The following CDC42BPA variants were observed in gnomAD, a reference collection of about 807,000 sequenced individuals.
CDC42BPA encodes the protein CDC42 binding protein kinase alpha, also known as serine/threonine-protein kinase MRCK alpha.
Under a neutral mutation model 223.5 loss-of-function variants are expected in CDC42BPA, and 80 were observed. That is an observed-to-expected ratio of 0.36 (90% confidence interval 0.30 to 0.43). CDC42BPA has a LOEUF of 0.43. Ranked by LOEUF, CDC42BPA falls within the 20% of genes least tolerant of loss-of-function variation. CDC42BPA has a pLI of 1.00. For missense variants in CDC42BPA, 1,743 were observed against 2,099.9 expected, an observed-to-expected ratio of 0.83 and a Z score of 3.32; for synonymous variants, 694 against 718.6, an observed-to-expected ratio of 0.97 and a Z score of 0.55.
At chr1:227,105,761 T>C (rs1426379353) in intron 14 of CDC42BPA, among the ~76,000 whole-genome samples, 1 of 152,220 alleles carries the variant, frequency 6.6e-6, no homozygotes, top group East Asian at 1.9e-4. Context: ...AGCCATGTTG[T>C]AGCATGTATC....
At chr1:227,138,058 A>C (rs12134379) in intron 10 of CDC42BPA, among the ~76,000 whole-genome samples, 1 of 151,994 alleles carries the variant, frequency 6.6e-6, no homozygotes, top group South Asian at 2.1e-4. Context: ...TCAGTCACAA[A>C]AGGGAAGTAA....
intron 5 of CDC42BPA, chr1:227,193,569 C>A: frequency 2.0e-6 from 1 of 490,314 alleles, no homozygotes; most frequent in East Asian, 3.4e-5. Context: ...AGATACTATA[C>A]ATGTACATGT....
chr1:227,256,691 A>T (rs1467293355), intron 1 of CDC42BPA, among the ~76,000 whole-genome samples: 1 of 152,128 alleles, frequency 6.6e-6, no homozygotes, highest in Non-Finnish European at 1.5e-5. Context: ...ACCCTCATTC[A>T]TTGCTAGAGG....
chr1:227,075,220 G>A (rs78863867), intron 17 of CDC42BPA, among the ~76,000 whole-genome samples: 4,370 of 152,270 alleles, frequency 0.029, 157 homozygotes, highest in South Asian at 0.13. Context: ...CACACTTTGG[G>A]GAAGACAATT....
At chr1:227,035,108 G>A (rs745913590) in intron 25 of CDC42BPA, among the ~76,000 whole-genome samples, 2 of 152,112 alleles carry the variant, frequency 1.3e-5, no homozygotes, top group African/African-American at 4.8e-5. Context: ...CAAACTTGGT[G>A]TAAGATGAAG....
chr1:227,230,812 CTTTCTTTCTTTTTTTT>C (rs1380730179), intron 2 of CDC42BPA, among the ~76,000 whole-genome samples: 3 of 111,754 alleles, frequency 2.7e-5, no homozygotes, highest in African/African-American at 9.5e-5. Flanking sequence ...TTTCTTTTTT[CTTTCTTTCTTTTTTTT>C]TTTTTTTTTT....
intron 1 of CDC42BPA, among the ~76,000 whole-genome samples, chr1:227,257,906 C>T (rs1262090391): frequency 6.6e-6 from 1 of 150,916 alleles, no homozygotes; most frequent in Non-Finnish European, 1.5e-5. Flanking sequence ...TGTGGTGGTT[C>T]ACGCCTGTAT....
chr1:227,116,005 T>C (rs895221342), intron 12 of CDC42BPA, among the ~76,000 whole-genome samples: 1 of 152,192 alleles, frequency 6.6e-6, no homozygotes, highest in African/African-American at 2.4e-5. Context: ...GCTGAAAATC[T>C]AGCTCCACCA....
At chr1:227,054,832 T>C (rs543684447) in intron 21 of CDC42BPA, among the ~76,000 whole-genome samples, 1 of 152,188 alleles carries the variant, frequency 6.6e-6, no homozygotes, top group Non-Finnish European at 1.5e-5. Context: ...AAATATTTAA[T>C]TGTAATAAAG....
chr1:227,267,138 A>C lies in CDC42BPA; in HGVS notation c.179-12983T>G, dbSNP rs78643905. 2.1e-3 allele frequency among the ~76,000 whole-genome samples: 318 copies of C among 152,354 alleles called. 7 individuals carry two copies. The East Asian group carries it at 0.046, about 22-fold the overall frequency. ...GTTTGGTCCTACTAAGAAAATGCTT[A>C]ATTTATGCATTTTTATAACAAAATA... On this transcript the variant is annotated intron_variant, in intron 1 of 36. Transcript: ENST00000366766.
chr1:226,997,635 A>G (rs1411566144), intron 35 of CDC42BPA, among the ~76,000 whole-genome samples: 2 of 152,132 alleles, frequency 1.3e-5, no homozygotes, highest in Non-Finnish European at 2.9e-5. Flanking sequence ...GTCTCAAGAG[A>G]TTCTGGTATG....
At chr1:227,147,601 T>C (rs779270287) in intron 6 of CDC42BPA, 42 bp from the exon 7 acceptor site, 117 of 1,081,674 alleles carry the variant, frequency 1.1e-4, no homozygotes, top group Non-Finnish European at 1.2e-4. Flanking sequence ...ATATTAGAAA[T>C]AAAATATTTT....
At chr1:227,139,450 T>G in intron 10 of CDC42BPA, 126 bp downstream of exon 10, 1 of 597,614 alleles carries the variant, frequency 1.7e-6, no homozygotes, top group Non-Finnish European at 2.8e-6. Flanking sequence ...TGCATACATC[T>G]CTACAACTTG....
chr1:227,257,822 TA>T (rs1558887523), intron 1 of CDC42BPA, among the ~76,000 whole-genome samples: 2 of 150,356 alleles, frequency 1.3e-5, no homozygotes, highest in East Asian at 1.9e-4. Flanking sequence ...AAACCTTTTT[TA>T]AAAAAAATTA....
chr1:227,011,200 C>T (rs559374973), intron 34 of CDC42BPA: 3 of 251,568 alleles, frequency 1.2e-5, no homozygotes, highest in East Asian at 1.6e-4. Flanking sequence ...ACTTTTAGGT[C>T]TTAGAAAGTT....
intron 24 of CDC42BPA, among the ~76,000 whole-genome samples, chr1:227,038,555 CA>C (rs1416256112): frequency 6.6e-6 from 1 of 152,178 alleles, no homozygotes; most frequent in Non-Finnish European, 1.5e-5. Flanking sequence ...AATAACAGCA[CA>C]AACAACAGCC....
chr1:227,291,975 CT>C (rs1448797657), intron 1 of CDC42BPA, among the ~76,000 whole-genome samples: 1 of 150,688 alleles, frequency 6.6e-6, no homozygotes, highest in Non-Finnish European at 1.5e-5. Context: ...GCCCTGAGGT[CT>C]ATAACAGATA....
At chr1:227,088,682 T>G (rs1381482336) in intron 16 of CDC42BPA, among the ~76,000 whole-genome samples, 1 of 152,180 alleles carries the variant, frequency 6.6e-6, no homozygotes, top group African/African-American at 2.4e-5. Context: ...AAAAATTTGT[T>G]ATGAGATTGA....
intron 2 of CDC42BPA, among the ~76,000 whole-genome samples, chr1:227,222,977 T>C (rs1676207682): frequency 1.3e-5 from 2 of 151,928 alleles, no homozygotes; most frequent in Non-Finnish European, 2.9e-5. Flanking sequence ...AAAACACACC[T>C]AAACAGTAGT....
Sources: allele counts gnomAD v4.1 joint callset (sites outside exome capture counted in the v4.1 genomes callset), GRCh38; gene constraint gnomAD v4.1.1; transcripts MANE v1.5; gene names NCBI Gene and HGNC (gene_info 2026-07-23, HGNC 2026-07-21).